Variants in UCHL3 observed in about 807,000 individuals in gnomAD.
The protein encoded by UCHL3 is ubiquitin carboxyl-terminal hydrolase isozyme L3.
A neutral mutation model predicts 35.8 loss-of-function variants in UCHL3; 22 were observed. The ratio of observed to expected loss-of-function variants is 0.61; its 90% CI spans 0.44 to 0.88. The LOEUF (loss-of-function observed/expected upper bound fraction) is 0.88, where lower values mean the gene tolerates loss of function less well. Among genes scored for constraint, UCHL3 ranks in the 40% least tolerant of loss-of-function variants. The pLI is 0.00. For synonymous variants in UCHL3, 90 were observed against 92.8 expected (o/e 0.97, Z 0.17); for missense variants, 229 against 276.9 (o/e 0.83, Z 1.23).
chr13:75,571,038 T>A (rs2031839974), intron 6 of UCHL3, among the ~76,000 whole-genome samples: 1 of 152,194 alleles, frequency 6.6e-6, no homozygotes, highest in African/African-American at 2.4e-5. Context: ...AACACCAGAT[T>A]GGAAATTAAT....
intron 6 of UCHL3, among the ~76,000 whole-genome samples, chr13:75,587,903 A>G (rs7982517): frequency 0.77 from 117,318 of 151,974 alleles, 46,044 homozygotes; most frequent in Middle Eastern, 0.88. Context: ...CCAGCTCAGT[A>G]TTCCTCTCTT....
chr13:75,580,425 C>T (rs1275591303), intron 6 of UCHL3, among the ~76,000 whole-genome samples: 1 of 152,194 alleles, frequency 6.6e-6, no homozygotes, highest in Non-Finnish European at 1.5e-5. Context: ...CATGCGCACA[C>T]ACATGTCCTT....
chr13:75,600,635 C>T (rs753625848), intron 7 of UCHL3, among the ~76,000 whole-genome samples: 3 of 152,180 alleles, frequency 2.0e-5, no homozygotes, highest in Non-Finnish European at 4.4e-5. Context: ...GAAAAAGATT[C>T]CTTTGAAAAT....
intron 5 of UCHL3, 136 bp downstream of exon 5, chr13:75,567,448 G>C: frequency 1.4e-6 from 1 of 703,936 alleles, no homozygotes; most frequent in Non-Finnish European, 2.3e-6. Context: ...AAAGCCTTTT[G>C]TACTTTTCAG....
chr13:75,600,115 C>T (rs950034971), intron 7 of UCHL3, among the ~76,000 whole-genome samples: 8 of 152,182 alleles, frequency 5.3e-5, no homozygotes, highest in African/African-American at 1.9e-4. Context: ...CTTTTCAGTT[C>T]TGTTAAGGCT....
At position 75,603,080 on chromosome 13, in the gene UCHL3, C is replaced by T. The variant is rs771269475; in HGVS notation, c.551-1689C>T. ...TCATAGCTTGCTGCGTCCTTGAACTCCTGGGCTCAAGTGATCCTCCTGCCT... is the reference window on the plus strand; with the variant it reads ...TCATAGCTTGCTGCGTCCTTGAACTTCTGGGCTCAAGTGATCCTCCTGCCT... On this transcript the variant is annotated intron_variant, in intron 7 of 8. Transcript: ENST00000377595. 2.0e-5 allele frequency among the ~76,000 whole-genome samples: 3 copies of T among 152,100 alleles called. No individual in the cohort carries two copies. In the East Asian group the frequency reaches 5.8e-4, roughly 29 times the overall value.
chr13:75,603,621 A>G (rs1199030619), intron 7 of UCHL3, among the ~76,000 whole-genome samples: 1 of 152,216 alleles, frequency 6.6e-6, no homozygotes, highest in Non-Finnish European at 1.5e-5. Flanking sequence ...AATGAATGTG[A>G]TAGTCATATA....
At chr13:75,550,738 A>G (rs1415494646) in intron 2 of UCHL3, among the ~76,000 whole-genome samples, 1 of 100,378 alleles carries the variant, frequency 1.0e-5, no homozygotes, top group Non-Finnish European at 2.0e-5. Flanking sequence ...TTTTTTTTTC[A>G]TTCTCAACAG....
chr13:75,574,763 C>A (rs1339313366), intron 6 of UCHL3, among the ~76,000 whole-genome samples: 2 of 152,138 alleles, frequency 1.3e-5, no homozygotes, highest in Non-Finnish European at 2.9e-5. Context: ...GAAGCCATAT[C>A]TGGGGGGCTT....
chr13:75,549,710 C>T, upstream of UCHL3: 2 of 1,294,702 alleles, frequency 1.5e-6, no homozygotes, highest in Non-Finnish European at 1.0e-6. Flanking sequence ...TTTAGGCGCT[C>T]CTCCTCCGGG....
intron 6 of UCHL3, among the ~76,000 whole-genome samples, chr13:75,572,181 T>C (rs1488509218): frequency 6.6e-6 from 1 of 152,180 alleles, no homozygotes; most frequent in Non-Finnish European, 1.5e-5. Flanking sequence ...ATTCTTTCCC[T>C]CAATCTCTTG....
At position 75,602,277 on chromosome 13, in the gene UCHL3, G is replaced by T. The variant is rs528874026; in HGVS notation, c.551-2492G>T. Among the ~76,000 whole-genome samples the T allele has an allele frequency of 2.0e-5, 3 of 152,288 alleles. No homozygotes were observed. In the South Asian group the frequency reaches 6.2e-4, roughly 32 times the overall value. ...CACCAAAAAGCATCTCGTGATGTTTGTCATGTCGCTTGTCTCTTGTACAAC... is the reference window on the plus strand; with the variant it reads ...CACCAAAAAGCATCTCGTGATGTTTTTCATGTCGCTTGTCTCTTGTACAAC... On this transcript the variant is annotated intron_variant, in intron 7 of 8. Transcript: ENST00000377595.
At chr13:75,580,078 G>C (rs992113629) in intron 6 of UCHL3, among the ~76,000 whole-genome samples, 1 of 152,184 alleles carries the variant, frequency 6.6e-6, no homozygotes, top group African/African-American at 2.4e-5. Context: ...ATATCTTGAT[G>C]TCTGTGGGCA....
chr13:75,597,196 T>C (rs1446484569), intron 7 of UCHL3, among the ~76,000 whole-genome samples: 1 of 152,082 alleles, frequency 6.6e-6, no homozygotes, highest in Non-Finnish European at 1.5e-5. Context: ...TAGAAAATAA[T>C]GATTAAGAGA....
chr13:75,560,722 T>C, intron 2 of UCHL3, 31 bp from the exon 3 acceptor site: 1 of 1,574,214 alleles, frequency 6.4e-7, no homozygotes, highest in Non-Finnish European at 8.6e-7. Flanking sequence ...TAATGTTCCA[T>C]TGTTTTTTTT....
intron 6 of UCHL3, among the ~76,000 whole-genome samples, chr13:75,581,874 T>C (rs1231977776): frequency 6.6e-6 from 1 of 152,150 alleles, no homozygotes; most frequent in Non-Finnish European, 1.5e-5. Context: ...TAGGTGGTGA[T>C]TGTTGTTGTT....
At chr13:75,558,274 A>G (rs879320072) in intron 2 of UCHL3, among the ~76,000 whole-genome samples, 3 of 152,286 alleles carry the variant, frequency 2.0e-5, no homozygotes, top group Admixed American at 2.0e-4. Flanking sequence ...CCTCAGTTTG[A>G]TACTAATTGG....
chr13:75,572,031 T>TTGTCTTGTCTTGTCTTGTCTTGTC (rs1345810810), intron 6 of UCHL3, among the ~76,000 whole-genome samples: 7 of 152,122 alleles, frequency 4.6e-5, no homozygotes, highest in African/African-American at 1.4e-4. Context: ...TTGTCTTTAC[T>TTGTCTTGTCTTGTCTTGTCTTGTC]TTTCCTTCCT....
chr13:75,589,974 CA>C (rs2032433584), intron 6 of UCHL3: 1 of 1,304,632 alleles, frequency 7.7e-7, no homozygotes, highest in African/African-American at 1.5e-5. Context: ...TCATTCTAGC[CA>C]CTGCAGAACG....
Sources: gnomAD v4.1 joint callset for allele counts (sites outside exome capture counted in the v4.1 genomes callset) on GRCh38, gnomAD v4.1.1 for gene constraint, MANE v1.5 for transcripts, NCBI Gene and HGNC (gene_info 2026-07-23, HGNC 2026-07-21) for gene names.